Variants in LIMCH1 observed in about 807,000 individuals in gnomAD.
The protein encoded by LIMCH1 is LIM and calponin homology domains 1.
A neutral mutation model predicts 176.5 loss-of-function variants in LIMCH1; 113 were observed. The ratio of observed to expected loss-of-function variants is 0.64; its 90% confidence interval spans 0.55 to 0.75. The LOEUF is 0.75. Among genes scored for constraint, LIMCH1 ranks in the 30% least tolerant of loss-of-function variants. The pLI, the probability that LIMCH1 is intolerant of heterozygous loss-of-function variation, is 0.00. For synonymous variants in LIMCH1, 619 were observed against 645.9 expected (o/e 0.96, Z 0.63); for missense variants, 1,674 against 1,814.9 (o/e 0.92, Z 1.41).
intron 1 of LIMCH1, among the ~76,000 whole-genome samples, chr4:41,561,023 A>ACAAACAAAC (rs759228475): frequency 6.6e-6 from 1 of 152,188 alleles, no homozygotes; most frequent in Non-Finnish European, 1.5e-5. Context: ...TCTCAAAAAA[A>ACAAACAAAC]CAAACAAACC....
rs754763908 is a variant in LIMCH1 at position 41,598,959 on chromosome 4, G to A, written c.-201G>A. 24 of 1,611,650 alleles carry A rather than the reference G, an allele frequency of 1.5e-5. No individual in the cohort carries two copies. Among genetic ancestry groups the A allele is most frequent in the South Asian group, 3.3e-5 (3 of 90,958 alleles). On this transcript the variant is annotated 5_prime_UTR_variant, in exon 2 of 32. Coordinates refer to ENST00000503057, the MANE Select transcript of LIMCH1 (RefSeq NM_001330672.2). ...ATTCTTGAGAGGTTGTAAAGAGCTC[G>A]GCCTTAAAGAATCTCAACTTTTTGA... is the stretch of plus-strand genomic sequence containing the variant.
chr4:41,498,242 A>G (rs983959900), intron 2 of LIMCH1, among the ~76,000 whole-genome samples: 3 of 152,194 alleles, frequency 2.0e-5, no homozygotes, highest in African/African-American at 7.2e-5. Flanking sequence ...CTACAGAGAC[A>G]GGAGAGAGAA....
chr4:41,621,717 G>A (rs1050405699), intron 7 of LIMCH1, among the ~76,000 whole-genome samples: 1 of 151,914 alleles, frequency 6.6e-6, no homozygotes, highest in African/African-American at 2.4e-5. Context: ...GGCCAGGCTA[G>A]TCTAAGAGGT....
rs957571828 is a variant in LIMCH1 at position 41,646,858 on chromosome 4, C to T, written c.2785C>T (p.Pro929Ser). 6.2e-7 allele frequency: 1 copy of T among 1,613,870 alleles called. No individual in the cohort carries two copies. Among genetic ancestry groups the T allele is most frequent in the Non-Finnish European group, 8.5e-7 (1 of 1,179,808 alleles). ...PMLTPKPYSQ[P>S]KNSQDVLKTF... is the part of the protein sequence containing the mutation. ...GCTGACACCCAAGCCTTACTCCCAG[C>T]CCAAAAATTCTCAAGATGTTCTGAA... Residue 929 changes from proline (P) to serine (S), a missense_variant, in exon 17 of 32, where the codon CCC (proline) becomes TCC (serine). Physicochemically the swap from Pro to Ser is moderately conservative, Grantham distance 74. This residue lies in a region of LIMCH1 where 1,015 missense variants were observed against 1,102.5 expected (regional missense o/e 0.92). Coordinates refer to ENST00000503057, the MANE Select transcript of LIMCH1 (RefSeq NM_001330672.2).
At chr4:41,360,026 GGTGTGTGTGTGTGT>G (rs35179191), upstream of LIMCH1, among the ~76,000 whole-genome samples, 27 of 145,870 alleles carry the variant, frequency 1.9e-4, no homozygotes, top group East Asian at 3.5e-3. This position sits in a 1 kb window ranked among gnomAD's most constrained non-coding sequence, Gnocchi z 4.5. Flanking sequence ...GGGTGTGTAG[GGTGTGTGTGTGTGT>G]GTGTGTGTGT....
At chr4:41,572,537 T>G (rs1210238379) in intron 1 of LIMCH1, among the ~76,000 whole-genome samples, 2 of 152,158 alleles carry the variant, frequency 1.3e-5, no homozygotes, top group Non-Finnish European at 2.9e-5. Context: ...TGAGATAAGA[T>G]TTTCTGGCAG....
intron 30 of LIMCH1, among the ~76,000 whole-genome samples, chr4:41,690,697 G>T (rs1329846994): frequency 6.6e-6 from 1 of 152,112 alleles, no homozygotes; most frequent in Non-Finnish European, 1.5e-5. Context: ...CAGTGAAGTT[G>T]TCCCCAAATT....
intron 18 of LIMCH1, among the ~76,000 whole-genome samples, chr4:41,654,890 G>A (rs929743677): frequency 2.0e-5 from 3 of 152,082 alleles, no homozygotes; most frequent in African/African-American, 7.2e-5. Context: ...GTTCATTTCA[G>A]CATCTCTGTT....
At chr4:41,616,013 C>G (rs2092019766) in intron 5 of LIMCH1, among the ~76,000 whole-genome samples, 1 of 152,044 alleles carries the variant, frequency 6.6e-6, no homozygotes, top group African/African-American at 2.4e-5. Flanking sequence ...CAATTTCTCC[C>G]CCAGCATTAA....
upstream of LIMCH1, chr4:41,359,889 T>A (rs1292424143): frequency 6.6e-6 from 1 of 152,170 alleles, no homozygotes; most frequent in African/African-American, 2.4e-5. Flanking sequence ...TCCTCTTTTA[T>A]CTTAACAACA....
chr4:41,565,396 CAG>C (rs1205016240), intron 1 of LIMCH1, among the ~76,000 whole-genome samples: 47 of 144,648 alleles, frequency 3.2e-4, no homozygotes, highest in African/African-American at 9.5e-4. Flanking sequence ...CACACACACA[CAG>C]ACACACACAC....
At chr4:41,397,555 A>G (rs2057930631) in intron 1 of LIMCH1, among the ~76,000 whole-genome samples, 1 of 152,216 alleles carries the variant, frequency 6.6e-6, no homozygotes, top group South Asian at 2.1e-4. Flanking sequence ...TAGTGACATT[A>G]AGTTGCCCTT....
chr4:41,468,058 T>C (rs1210122322), intron 1 of LIMCH1, among the ~76,000 whole-genome samples: 1 of 152,228 alleles, frequency 6.6e-6, no homozygotes, highest in Non-Finnish European at 1.5e-5. Flanking sequence ...GAGTTCAGTA[T>C]AGCAAGCCCA....
intron 12 of LIMCH1, 62 bp from the exon 13 acceptor site, chr4:41,633,486 A>G: frequency 1.3e-6 from 2 of 1,507,980 alleles, no homozygotes; most frequent in Non-Finnish European, 1.8e-6. Flanking sequence ...AGTGAGTGAC[A>G]CTACTGAAAA....
chr4:41,590,284 T>C (rs960749724), intron 1 of LIMCH1, among the ~76,000 whole-genome samples: 3 of 151,904 alleles, frequency 2.0e-5, no homozygotes, highest in African/African-American at 7.3e-5. Flanking sequence ...AGAGATAAGG[T>C]TTCGCCACAT....
At chr4:41,638,299 C>T (rs554998298) in intron 13 of LIMCH1, among the ~76,000 whole-genome samples, 1 of 152,182 alleles carries the variant, frequency 6.6e-6, no homozygotes, top group South Asian at 2.1e-4. Context: ...TTTAGTTTTT[C>T]AAGTTATGGA....
At position 41,672,471 on chromosome 4, in the gene LIMCH1, G is replaced by A. The variant is rs141472831; in HGVS notation, c.3438+877G>A. On this transcript the variant is annotated intron_variant, in intron 22 of 31. Transcript: ENST00000503057. ...AAATGTACCTCATTTTTTAATATGAGGATAATACTTGAACATAGTATATTG... is the reference window on the plus strand; with the variant it reads ...AAATGTACCTCATTTTTTAATATGAAGATAATACTTGAACATAGTATATTG... 4.5e-3 allele frequency among the ~76,000 whole-genome samples: 682 copies of A among 152,180 alleles called. 3 individuals carry two copies. The highest frequency in any genetic ancestry group is 7.9e-3 in the South Asian group (38 of 4,822).
intron 1 of LIMCH1, among the ~76,000 whole-genome samples, chr4:41,592,518 G>A (rs892979351): frequency 9.9e-5 from 15 of 151,994 alleles, no homozygotes; most frequent in African/African-American, 3.6e-4. Flanking sequence ...CCTACACAGT[G>A]TGCCTGTTTT....
chr4:41,475,134 G>A (rs2067539240), intron 1 of LIMCH1, among the ~76,000 whole-genome samples: 1 of 152,150 alleles, frequency 6.6e-6, no homozygotes, highest in Non-Finnish European at 1.5e-5. Flanking sequence ...CTGTATCCAG[G>A]AAATCAGAAA....
Sources: allele counts gnomAD v4.1 joint callset (sites outside exome capture counted in the v4.1 genomes callset), GRCh38; gene constraint gnomAD v4.1.1; regional missense constraint gnomAD v4.1.1; non-coding constraint Gnocchi (gnomAD v3.1); transcripts MANE v1.5; gene names NCBI Gene and HGNC (gene_info 2026-07-23, HGNC 2026-07-21).